Variants in CLEC16A observed in about 807,000 individuals in gnomAD.
The protein encoded by CLEC16A is protein CLEC16A.
A neutral mutation model predicts 109.5 loss-of-function variants in CLEC16A; 51 were observed. The observed-to-expected ratio is 0.47, with a 90% CI of 0.37 to 0.59. The LOEUF is 0.59. CLEC16A is among the 20% of genes least tolerant of loss of function. CLEC16A has a pLI of 0.00. For missense variants in CLEC16A, 1,339 were observed against 1,394.0 expected (o/e 0.96, Z 0.63); for synonymous variants, 673 against 564.2 (o/e 1.19, Z -2.73).
chr16:11,156,787 T>C, intron 22 of CLEC16A: 1 of 675,298 alleles, frequency 1.5e-6, no homozygotes, highest in South Asian at 1.6e-5. Context: ...CAAAGCAAGG[T>C]TGCACCACTG....
At chr16:11,119,460 C>T (rs546337363) in intron 19 of CLEC16A, among the ~76,000 whole-genome samples, 1 of 152,130 alleles carries the variant, frequency 6.6e-6, no homozygotes, top group Non-Finnish European at 1.5e-5. Context: ...ATGATCATGG[C>T]TCATTGCAGC....
At chr16:11,083,148 G>GT (rs758824956) in intron 19 of CLEC16A, among the ~76,000 whole-genome samples, 2 of 147,426 alleles carry the variant, frequency 1.4e-5, no homozygotes, top group Admixed American at 6.8e-5. Flanking sequence ...TGTTGTTGTT[G>GT]TTGTTTGTTT....
In CLEC16A at chr16:10,999,129, G is replaced by T. The variant is rs544894716; in HGVS notation, c.1072-3945G>T. The stretch of plus-strand genomic sequence containing the variant: ...TTATATGTATATGTTTAGAGACAGG[G>T]TCTCACTGTGTGGCCCCGGCTGGTC... On this transcript the variant is annotated intron_variant, in intron 10 of 23. Transcript: ENST00000409790. Among the ~76,000 whole-genome samples the T allele has an allele frequency of 4.6e-5, 7 of 152,310 alleles. 1 individual carries two copies. In the South Asian group the frequency reaches 1.2e-3, roughly 27 times the overall value.
At chr16:11,172,664 G>A (rs1394357590) in intron 23 of CLEC16A, among the ~76,000 whole-genome samples, 1 of 152,158 alleles carries the variant, frequency 6.6e-6, no homozygotes, top group African/African-American at 2.4e-5. Context: ...TGAGGCGGGT[G>A]GATCATGTGA....
At chr16:11,034,733 T>G (rs2152836037) in intron 13 of CLEC16A, among the ~76,000 whole-genome samples, 1 of 152,324 alleles carries the variant, frequency 6.6e-6, no homozygotes, top group South Asian at 2.1e-4. Context: ...CAGCAGGGTT[T>G]CTTTGGAATT....
At chr16:11,070,464 C>G (rs2049010184) in intron 19 of CLEC16A, 1 of 152,062 alleles carries the variant, frequency 6.6e-6, no homozygotes, top group South Asian at 2.1e-4. Flanking sequence ...ATCTTGGCCT[C>G]CCAAGGTGCT....
intron 9 of CLEC16A, among the ~76,000 whole-genome samples, chr16:10,980,451 G>A (rs2146650050): frequency 6.6e-6 from 1 of 152,026 alleles, no homozygotes; most frequent in South Asian, 2.1e-4. Context: ...GAGTCCAACA[G>A]GACCCAAGCA....
intron 7 of CLEC16A, among the ~76,000 whole-genome samples, chr16:10,975,088 A>G (rs2042971854): frequency 1.3e-5 from 2 of 152,212 alleles, no homozygotes; most frequent in African/African-American, 4.8e-5. Context: ...CACACCTGTA[A>G]TCCCAGCACT....
chr16:10,984,224 C>T (rs78121798), intron 10 of CLEC16A, among the ~76,000 whole-genome samples: 20,107 of 152,040 alleles, frequency 0.13, 1,309 homozygotes, highest in South Asian at 0.14. Flanking sequence ...GGCCCCTGCC[C>T]TTCCACTGGT....
intron 10 of CLEC16A, among the ~76,000 whole-genome samples, chr16:10,994,966 G>T (rs1238771757): frequency 6.6e-6 from 1 of 152,220 alleles, no homozygotes; most frequent in Admixed American, 6.5e-5. Context: ...CCTGGGCACT[G>T]GGGCTAGTTT....
chr16:11,113,619 C>G (rs1484033234), intron 19 of CLEC16A, among the ~76,000 whole-genome samples: 1 of 152,034 alleles, frequency 6.6e-6, no homozygotes, highest in Non-Finnish European at 1.5e-5. Flanking sequence ...TGATCGCTCC[C>G]CTGTACTCCA....
chr16:11,156,866 G>A (rs1013699984), intron 22 of CLEC16A, among the ~76,000 whole-genome samples: 1 of 151,844 alleles, frequency 6.6e-6, no homozygotes, highest in African/African-American at 2.4e-5. Context: ...GCCTGGATAG[G>A]TGCTCATGTA....
intron 22 of CLEC16A, among the ~76,000 whole-genome samples, chr16:11,164,510 AG>A (rs1490439149): frequency 1.3e-5 from 2 of 152,196 alleles, no homozygotes; most frequent in Non-Finnish European, 2.9e-5. Context: ...GACTTGCCCA[AG>A]GTCCCTCAGC....
chr16:11,100,426 G>T (rs972151262), intron 19 of CLEC16A, among the ~76,000 whole-genome samples: 1 of 152,228 alleles, frequency 6.6e-6, no homozygotes. Context: ...TGTGAAAGCT[G>T]CTGATCTCTT....
intron 12 of CLEC16A, among the ~76,000 whole-genome samples, chr16:11,022,865 C>CT (rs1484767897): frequency 6.6e-6 from 1 of 150,894 alleles, no homozygotes; most frequent in African/African-American, 2.4e-5. Context: ...CACCACTGCA[C>CT]TCCAGCCTGG....
intron 7 of CLEC16A, among the ~76,000 whole-genome samples, chr16:10,974,911 G>A (rs925690117): frequency 6.6e-6 from 1 of 152,242 alleles, no homozygotes; most frequent in Non-Finnish European, 1.5e-5. Flanking sequence ...AGAGAGAATG[G>A]AAGAGTTCTG....
chr16:11,058,449 A>G (rs1033928778), intron 18 of CLEC16A, among the ~76,000 whole-genome samples: 6 of 152,272 alleles, frequency 3.9e-5, no homozygotes, highest in African/African-American at 1.4e-4. Flanking sequence ...AATGCTATGT[A>G]AATAGTTTGT....
At chr16:10,990,216 G>A (rs1017808750) in intron 10 of CLEC16A, among the ~76,000 whole-genome samples, 17 of 152,198 alleles carry the variant, frequency 1.1e-4, no homozygotes, top group African/African-American at 3.9e-4. Context: ...TTGCCATTGA[G>A]GTCTATCCCC....
intron 10 of CLEC16A, among the ~76,000 whole-genome samples, chr16:10,983,576 G>T (rs1310284484): frequency 6.6e-6 from 1 of 152,160 alleles, no homozygotes; most frequent in Non-Finnish European, 1.5e-5. Flanking sequence ...CATGTTTGTG[G>T]TCTGCAGGAA....
Sources: allele counts gnomAD v4.1 joint callset (sites outside exome capture counted in the v4.1 genomes callset), GRCh38; gene constraint gnomAD v4.1.1; transcripts MANE v1.5; gene names NCBI Gene and HGNC (gene_info 2026-07-23, HGNC 2026-07-21).